Variants in TM2D2 observed in about 807,000 individuals in gnomAD.
TM2D2 encodes the protein TM2 domain-containing protein 2.
In TM2D2, 19 loss-of-function variants were observed where a neutral mutation model predicts 23.0. That is an observed-to-expected ratio of 0.82 (90% CI 0.58 to 1.21). The LOEUF is 1.21. Among genes scored for constraint, TM2D2 ranks in the 50% most tolerant of loss-of-function variants. The probability of loss-of-function intolerance (pLI) is 0.00; values close to 1 mark genes in which losing one functional copy is unlikely to be tolerated. For synonymous variants in TM2D2, 120 were observed against 108.8 expected (o/e 1.10, Z -0.64); for missense variants, 246 against 265.4 (o/e 0.93, Z 0.51).
chr8:38,991,519 G>C lies in TM2D2; in HGVS notation c.458C>G (p.Thr153Ser), dbSNP rs1835599122. 6.2e-7 allele frequency: 1 copy of C among 1,613,992 alleles called. No homozygotes were observed. The highest frequency in any genetic ancestry group is 1.1e-5 in the South Asian group (1 of 91,090). ...TCCCAGGAAGAAGGAGTAGAGTAAA[G>C]TGGTTATGAAGTAGTGTCCGGTATA... is the stretch of plus-strand genomic sequence containing the variant. ...IKYTGHYFIT[T>S]LLYSFFLGCF... Residue 153 changes from threonine to serine, a missense_variant, in exon 4 of 4, where the codon ACT becomes AGT. Physicochemically the swap from Thr to Ser is moderately conservative, Grantham distance 58. This residue lies in a region of TM2D2 where 212 missense variants were observed against 202.2 expected (regional missense o/e 1.05). Coordinates refer to ENST00000456397, the MANE Select transcript of TM2D2 (RefSeq NM_078473.3).
At chr8:38,992,435 C>G (rs1354161319) in intron 3 of TM2D2, among the ~76,000 whole-genome samples, 1 of 147,914 alleles carries the variant, frequency 6.8e-6, no homozygotes, top group East Asian at 2.1e-4. Context: ...CCCTGTTTGT[C>G]TGTTTGTGCC....
chr8:38,996,487 C>T lies in TM2D2; in HGVS notation c.-48G>A, dbSNP rs373730887. On this transcript the variant is annotated 5_prime_UTR_variant, in exon 1 of 4. Coordinates refer to ENST00000456397, the MANE Select transcript of TM2D2 (RefSeq NM_078473.3). The stretch of plus-strand genomic sequence containing the variant: ...ACCCGGCCTCAACCACAACCCCAGG[C>T]CAGCAGCACAGACCCAAGAACTGCG... 3.1e-6 allele frequency: 5 copies of T among 1,610,062 alleles called. No homozygotes were observed. The highest frequency in any genetic ancestry group is 2.7e-5 in the African/African-American group (2 of 75,010).
Position 38,993,551 on chromosome 8 carries a change from C to T in TM2D2, c.425G>A (p.Cys142Tyr). The T allele has an allele frequency of 6.2e-7, 1 of 1,611,578 alleles. No individual in the cohort carries two copies. Among genetic ancestry groups the T allele is most frequent in the Non-Finnish European group, 8.5e-7 (1 of 1,178,048 alleles). ...PRTFLRENKP[C>Y]IKYTGHYFIT... is the part of the protein sequence containing the mutation. The stretch of plus-strand genomic sequence containing the variant: ...CAATCAAAGTAACACTTACTTTATA[C>T]AAGGTTTATTTTCTCGTAGAAAGGT... The change falls in exon 3 of 4, where the codon TGT becomes TAT. Residue 142 changes from cysteine to tyrosine, a missense_variant. Cys to Tyr is a radical substitution (Grantham distance 194). Transcript: ENST00000456397.
At chr8:38,996,592 C>T (rs1056638080), upstream of TM2D2, 9 of 1,454,630 alleles carry the variant, frequency 6.2e-6, no homozygotes, top group Non-Finnish European at 1.8e-6. Flanking sequence ...GCTCCGCGCA[C>T]CTCCGCCAAC....
In TM2D2 at chr8:38,996,403, G is replaced by T; in HGVS notation, c.37C>A (p.Leu13Met). 6.2e-7 allele frequency: 1 copy of T among 1,614,230 alleles called. No individual in the cohort carries two copies. The highest frequency in any genetic ancestry group is 8.5e-7 in the Non-Finnish European group (1 of 1,180,048). The change falls in exon 1 of 4, where the codon CTG becomes ATG. Residue 13 changes from leucine (L) to methionine (M), a missense_variant. Physicochemically the swap from Leu to Met is conservative, Grantham distance 15 (BLOSUM62 2). Around this residue, in one of 2 missense-constraint regions of TM2D2, gnomAD observed 212 missense variants for 202.2 expected, o/e 1.05. Transcript: ENST00000456397. ...LGGCPVSYLL[L>M]CGQAALLLGN... ...AGCAGCAAAGCCGCCTGGCCGCACA[G>T]AAGTAAGTAACTAACCGGGCAACCA... is the stretch of plus-strand genomic sequence containing the variant.
At chr8:38,996,551 C>T, upstream of TM2D2, 1 of 1,499,350 alleles carries the variant, frequency 6.7e-7, no homozygotes, top group African/African-American at 1.4e-5. Flanking sequence ...CGCGTAGCCC[C>T]GCCAAACAGC....
Position 38,996,484 on chromosome 8 carries a change from A to T in TM2D2, c.-45T>A. On this transcript the variant is annotated 5_prime_UTR_variant, in exon 1 of 4. Coordinates refer to ENST00000456397, the MANE Select transcript of TM2D2 (RefSeq NM_078473.3). ...GAGACCCGGCCTCAACCACAACCCC[A>T]GGCCAGCAGCACAGACCCAAGAACT... is the stretch of plus-strand genomic sequence containing the variant. 6.2e-7 allele frequency: 1 copy of T among 1,611,148 alleles called. No individual in the cohort carries two copies. The highest frequency in any genetic ancestry group is 1.1e-5 in the South Asian group (1 of 90,892).
At chr8:38,995,787 G>T in intron 1 of TM2D2, 2 of 1,240,070 alleles carry the variant, frequency 1.6e-6, no homozygotes, top group South Asian at 2.4e-5. Flanking sequence ...TTAAAAAATG[G>T]CGTGATTCTG....
Position 38,991,344 on chromosome 8 carries a change from G to A in TM2D2, c.633C>T (p.Cys211=). 3.7e-6 allele frequency: 6 copies of A among 1,613,914 alleles called. No individual in the cohort carries two copies. Among genetic ancestry groups the A allele is most frequent in the Middle Eastern group, 1.7e-4 (1 of 6,054 alleles). ...ATGGCAGCTCTTCTTAGTAAACAGTGCACCAGTTGCTGCCATCACTTGGCA... is the reference window on the plus strand; with the variant it reads ...ATGGCAGCTCTTCTTAGTAAACAGTACACCAGTTGCTGCCATCACTTGGCA... ...GLMPSDGSNW[C]TVY is the part of the protein sequence containing the mutation. Residue 211 remains cysteine, a synonymous_variant, in exon 4 of 4, where the codon TGC becomes TGT. Coordinates refer to ENST00000456397, the MANE Select transcript of TM2D2 (RefSeq NM_078473.3).
chr8:38,996,025 C>T (rs1476143569), intron 1 of TM2D2, among the ~76,000 whole-genome samples, 188 bp downstream of exon 1: 1 of 152,222 alleles, frequency 6.6e-6, no homozygotes, highest in Non-Finnish European at 1.5e-5. Flanking sequence ...AAGCCTCTGT[C>T]ACTGACACAC....
chr8:38,995,475 A>G (rs368707423), intron 1 of TM2D2, 70 bp from the exon 2 acceptor site: 5 of 1,594,310 alleles, frequency 3.1e-6, no homozygotes, highest in Admixed American at 1.8e-5. Flanking sequence ...CATGCACGTA[A>G]TCAAAACGGG....
At chr8:38,994,467 C>A (rs1448200888) in intron 2 of TM2D2, among the ~76,000 whole-genome samples, 1 of 152,158 alleles carries the variant, frequency 6.6e-6, no homozygotes, top group Non-Finnish European at 1.5e-5. Flanking sequence ...AAACTTTAAT[C>A]AATAATTATC....
chr8:38,996,888 G>T, upstream of TM2D2: 1 of 1,472,112 alleles, frequency 6.8e-7, no homozygotes, highest in Non-Finnish European at 9.1e-7. Context: ...TCGGGAGCGA[G>T]CTCGGACCGA....
upstream of TM2D2, chr8:38,996,640 C>T (rs1835812712): frequency 1.1e-5 from 16 of 1,432,110 alleles, no homozygotes; most frequent in African/African-American, 1.4e-5. Context: ...GGGGCTACTC[C>T]GCCCTCTGCT....
chr8:38,993,759 G>T (rs1028734516), intron 2 of TM2D2, 99 bp from the exon 3 acceptor site: 2 of 810,360 alleles, frequency 2.5e-6, no homozygotes, highest in Non-Finnish European at 2.0e-6. Context: ...GCGGCCTCAG[G>T]ACTACAATTA....
At chr8:38,994,411 T>C (rs1240230534) in intron 2 of TM2D2, among the ~76,000 whole-genome samples, 1 of 152,220 alleles carries the variant, frequency 6.6e-6, no homozygotes, top group Admixed American at 6.5e-5. Flanking sequence ...ATAAACTCAA[T>C]TTTTAATTAA....
Position 38,989,918 on chromosome 8 carries a change from G to C in TM2D2, c.*1414C>G, listed in dbSNP as rs73674678. Reference sequence around the variant, plus strand: ...GTTCTATGTAAATTCTGTGTATGTAGATTTTTCTGGGGAGAGGGTCTAGTT... The same window carrying C: ...GTTCTATGTAAATTCTGTGTATGTACATTTTTCTGGGGAGAGGGTCTAGTT... On this transcript the variant is annotated 3_prime_UTR_variant, in exon 4 of 4. Transcript: ENST00000456397. The C allele has an allele frequency of 6.6e-5, 10 of 152,006 alleles. No homozygotes were observed. The highest frequency in any genetic ancestry group is 1.2e-4 in the Non-Finnish European group (8 of 68,012). 9.4% of individuals were successfully genotyped at this position (152,006 alleles called of 1,614,324 possible).
chr8:38,989,660 G>A lies in TM2D2; in HGVS notation c.*1672C>T, dbSNP rs7842732. The A allele has an allele frequency of 0.41, 61,940 of 152,066 alleles. 13,260 individuals are homozygous for A. The highest frequency in any genetic ancestry group is 0.74 in the East Asian group (3,866 of 5,192). The allele number at this position is 152,066 out of a possible 1,614,324, so 9.4% of individuals were successfully genotyped here. ...TTTAAAGAAAACAACTTTTGGTAGGGTTATGAATATACTTAGGAGGTTAAA... is the reference window on the plus strand; with the variant it reads ...TTTAAAGAAAACAACTTTTGGTAGGATTATGAATATACTTAGGAGGTTAAA... On this transcript the variant is annotated 3_prime_UTR_variant, in exon 4 of 4. Transcript: ENST00000456397.
Position 38,996,461 on chromosome 8 carries a change from G to C in TM2D2, c.-22C>G, listed in dbSNP as rs779731780. 5 of 1,613,250 alleles carry C rather than the reference G, an allele frequency of 3.1e-6. No individual in the cohort carries two copies. In the Admixed American group the frequency reaches 5.0e-5, roughly 16 times the overall value. ...CCATCTTCCCGGGCACAGGAGCGGA[G>C]ACCCGGCCTCAACCACAACCCCAGG... On this transcript the variant is annotated 5_prime_UTR_variant, in exon 1 of 4. Coordinates refer to ENST00000456397, the MANE Select transcript of TM2D2 (RefSeq NM_078473.3).
Sources: gnomAD v4.1 joint callset for allele counts (sites outside exome capture counted in the v4.1 genomes callset) on GRCh38, gnomAD v4.1.1 for gene constraint, gnomAD v4.1.1 regional missense constraint, MANE v1.5 for transcripts, NCBI Gene and HGNC (gene_info 2026-07-23, HGNC 2026-07-21) for gene names.